Variants in ZNF589 observed in about 807,000 individuals in gnomAD.
The protein encoded by ZNF589 is zinc finger protein 589.
In ZNF589, 17 loss-of-function variants were observed where a neutral mutation model predicts 13.6. That is an observed-to-expected ratio of 1.25 (90% CI 0.86 to 1.88). ZNF589 has a LOEUF of 1.88. Among genes scored for constraint, ZNF589 ranks in the 40% most tolerant of loss-of-function variants. The pLI, the probability that ZNF589 is intolerant of heterozygous loss-of-function variation, is 0.00. For missense variants in ZNF589, 407 were observed against 434.0 expected, an observed-to-expected ratio of 0.94 and a Z score of 0.55; for synonymous variants, 148 against 161.6, an observed-to-expected ratio of 0.92 and a Z score of 0.64.
Position 48,269,485 on chromosome 3 carries a change from C to T in ZNF589, c.*699C>T. ...GGCGGGGATTTGGCCGGAAGATACT[C>T]CTCAACAGACACTGGAGGACACACA... On this transcript the variant is annotated 3_prime_UTR_variant, in exon 4 of 4. Transcript: ENST00000354698. The T allele has an allele frequency of 2.5e-6, 1 of 395,400 alleles. No homozygotes were observed. The highest frequency in any genetic ancestry group is 2.2e-5 in the South Asian group (1 of 44,688). The allele number at this position is 395,400 out of a possible 1,614,324, so 24.5% of individuals were successfully genotyped here.
Position 48,268,288 on chromosome 3 carries a change from A to G in ZNF589, c.597A>G (p.Glu199=), listed in dbSNP as rs1174184008. 1.2e-6 allele frequency: 2 copies of G among 1,612,936 alleles called. No homozygotes were observed. The highest frequency in any genetic ancestry group is 2.7e-5 in the African/African-American group (2 of 74,894). ...LSPAQNASSE[E]VDRISKRAET... ...CAGCCCAGAATGCAAGCTCTGAGGAAGTAGACAGAATTTCCAAGAGGGCAG... is the reference window on the plus strand; with the variant it reads ...CAGCCCAGAATGCAAGCTCTGAGGAGGTAGACAGAATTTCCAAGAGGGCAG... The change falls in exon 4 of 4, where the codon GAA becomes GAG. Residue 199 remains glutamate, a synonymous_variant. Coordinates refer to ENST00000354698, the MANE Select transcript of ZNF589 (RefSeq NM_016089.3).
intron 2 of ZNF589, chr3:48,257,157 G>A (rs982771131): frequency 7.7e-6 from 3 of 388,902 alleles, no homozygotes; most frequent in Non-Finnish European, 1.5e-5. Context: ...TTAGGATAAT[G>A]CTGGATTCAT....
chr3:48,268,221 G>A lies in ZNF589; in HGVS notation c.530G>A (p.Ser177Asn). Residue 177 changes from serine (S) to asparagine (N), a missense_variant, in exon 4 of 4, where the codon AGC becomes AAC. Transcript: ENST00000354698. The part of the protein sequence containing the change: ...FSSLFQRPPI[S>N]SWGGNRILEI... ...AGCCTGTTCCAGAGACCACCAATAA[G>A]CTCTTGGGGAGGCAACAGAATATTA... The A allele has an allele frequency of 6.2e-7, 1 of 1,606,400 alleles. No homozygotes were observed. The highest frequency in any genetic ancestry group is 1.3e-5 in the African/African-American group (1 of 74,736).
At chr3:48,257,218 G>A in intron 2 of ZNF589, among the ~76,000 whole-genome samples, 1 of 151,830 alleles carries the variant, frequency 6.6e-6, no homozygotes, top group Non-Finnish European at 1.5e-5. Context: ...AAGAGATGGG[G>A]GTCTTCTATA....
chr3:48,268,968 G>A lies in ZNF589; in HGVS notation c.*182G>A. 1.1e-6 allele frequency: 1 copy of A among 923,794 alleles called. No individual in the cohort carries two copies. Among genetic ancestry groups the A allele is most frequent in the Non-Finnish European group, 1.6e-6 (1 of 609,558 alleles). 57.2% of individuals were successfully genotyped at this position (923,794 alleles called of 1,614,324 possible). The stretch of plus-strand genomic sequence containing the variant: ...TGTGAGGAGTGTGGGCATGGATTTA[G>A]CCAGAAGTCGTCGCTCAAATCACAT... On this transcript the variant is annotated 3_prime_UTR_variant, in exon 4 of 4. Coordinates refer to ENST00000354698, the MANE Select transcript of ZNF589 (RefSeq NM_016089.3).
At position 48,268,809 on chromosome 3, in the gene ZNF589, C is replaced by T. The variant is rs2034054722; in HGVS notation, c.*23C>T. The T allele has an allele frequency of 6.3e-7, 1 of 1,594,480 alleles. No homozygotes were observed. Among genetic ancestry groups the T allele is most frequent in the South Asian group, 1.1e-5 (1 of 87,262 alleles). ...TGAGGCCGAGGCTTTGTAAGGAGATCATGTCTCAACACACACCAGAGGATA... is the reference window on the plus strand; with the variant it reads ...TGAGGCCGAGGCTTTGTAAGGAGATTATGTCTCAACACACACCAGAGGATA... On this transcript the variant is annotated 3_prime_UTR_variant, in exon 4 of 4. Coordinates refer to ENST00000354698, the MANE Select transcript of ZNF589 (RefSeq NM_016089.3).
At chr3:48,250,557 C>T (rs1021543747) in intron 2 of ZNF589, among the ~76,000 whole-genome samples, 3 of 151,728 alleles carry the variant, frequency 2.0e-5, no homozygotes, top group Admixed American at 6.6e-5. Flanking sequence ...CTGCAATCTC[C>T]GTCTCCTGGG....
intron 2 of ZNF589, among the ~76,000 whole-genome samples, 164 bp downstream of exon 2, chr3:48,247,841 C>T (rs769718371): frequency 4.6e-5 from 7 of 152,100 alleles, no homozygotes; most frequent in Non-Finnish European, 7.4e-5. Context: ...TGCACTTAGT[C>T]TTTCTATTTT....
chr3:48,253,919 C>G (rs1448071060), intron 2 of ZNF589, among the ~76,000 whole-genome samples: 1 of 152,072 alleles, frequency 6.6e-6, no homozygotes, highest in African/African-American at 2.4e-5. Context: ...AGCAAGAACC[C>G]ATCTCTATAA....
At chr3:48,251,452 T>C (rs1258090861) in intron 2 of ZNF589, among the ~76,000 whole-genome samples, 2 of 148,146 alleles carry the variant, frequency 1.4e-5, no homozygotes, top group African/African-American at 5.0e-5. Flanking sequence ...CCCAGCTACT[T>C]GGGAGGCTGA....
chr3:48,249,126 G>C (rs1469880620), intron 2 of ZNF589, among the ~76,000 whole-genome samples: 1 of 147,468 alleles, frequency 6.8e-6, no homozygotes, highest in African/African-American at 2.5e-5. Flanking sequence ...TTTTGAGACA[G>C]AGTTTCGCTC....
intron 2 of ZNF589, chr3:48,256,803 T>C: frequency 6.4e-7 from 1 of 1,550,478 alleles, no homozygotes; most frequent in Non-Finnish European, 8.8e-7. Context: ...ATTATAGTTG[T>C]CTTTCCTTCT....
At chr3:48,259,984 G>A (rs988987308) in intron 2 of ZNF589, among the ~76,000 whole-genome samples, 6 of 151,948 alleles carry the variant, frequency 3.9e-5, no homozygotes, top group African/African-American at 1.5e-4. Context: ...GGCTGAAGCA[G>A]TTGGTCACTG....
intron 2 of ZNF589, among the ~76,000 whole-genome samples, chr3:48,252,966 A>G (rs887891895): frequency 2.0e-5 from 3 of 152,164 alleles, no homozygotes; most frequent in African/African-American, 4.8e-5. Context: ...TCAGCGCAGT[A>G]TCTCTCCATT....
chr3:48,242,495 G>T (rs1012993427), intron 1 of ZNF589, among the ~76,000 whole-genome samples: 4 of 151,658 alleles, frequency 2.6e-5, no homozygotes, highest in African/African-American at 9.7e-5. Context: ...TTAGAAACAG[G>T]GTCTCCCTAT....
intron 1 of ZNF589, among the ~76,000 whole-genome samples, chr3:48,245,809 T>A (rs566764314): frequency 3.3e-5 from 5 of 151,684 alleles, no homozygotes; most frequent in Admixed American, 3.3e-4. Flanking sequence ...TAGCCAGGCA[T>A]GGTGGCAGGT....
intron 2 of ZNF589, among the ~76,000 whole-genome samples, chr3:48,251,103 C>A: frequency 6.6e-6 from 1 of 152,096 alleles, no homozygotes; most frequent in Non-Finnish European, 1.5e-5. Flanking sequence ...TTCCATTCTC[C>A]CTGTGAATCT....
At chr3:48,244,763 G>C (rs541799307) in intron 1 of ZNF589, among the ~76,000 whole-genome samples, 1 of 150,594 alleles carries the variant, frequency 6.6e-6, no homozygotes, top group East Asian at 1.9e-4. Context: ...CACAGTAACT[G>C]CACTATTACT....
chr3:48,268,165 A>G lies in ZNF589; in HGVS notation c.474A>G (p.Thr158=). 6.2e-7 allele frequency: 1 copy of G among 1,613,258 alleles called. No homozygotes were observed. Among genetic ancestry groups the G allele is most frequent in the Non-Finnish European group, 8.5e-7 (1 of 1,179,532 alleles). ...EGGVRPLFWS[T]NERGALVGFS... ...GCGTCAGACCCTTGTTTTGGAGTACAAATGAAAGGGGGGCTTTAGTGGGTT... is the reference window on the plus strand; with the variant it reads ...GCGTCAGACCCTTGTTTTGGAGTACGAATGAAAGGGGGGCTTTAGTGGGTT... Residue 158 remains threonine (T), a synonymous_variant, in exon 4 of 4, where the codon ACA becomes ACG. Coordinates refer to ENST00000354698, the MANE Select transcript of ZNF589 (RefSeq NM_016089.3).
Sources: gnomAD v4.1 joint callset for allele counts (sites outside exome capture counted in the v4.1 genomes callset) on GRCh38, gnomAD v4.1.1 for gene constraint, MANE v1.5 for transcripts, NCBI Gene and HGNC (gene_info 2026-07-23, HGNC 2026-07-21) for gene names.